PCMTD1: variants seen among roughly 807,000 people sequenced by gnomAD.
The protein encoded by PCMTD1 is protein-L-isoaspartate (D-aspartate) O-methyltransferase domain containing 1.
In PCMTD1, 12 loss-of-function variants were observed where a neutral mutation model predicts 37.6. The observed-to-expected ratio is 0.32, with a 90% CI of 0.20 to 0.52. PCMTD1 has a LOEUF of 0.52. Among genes scored for constraint, PCMTD1 ranks in the 20% least tolerant of loss-of-function variants. The probability of loss-of-function intolerance (pLI) is 0.97; values close to 1 mark genes in which losing one functional copy is unlikely to be tolerated. For missense variants in PCMTD1, 235 were observed against 421.3 expected, an observed-to-expected ratio of 0.56 and a Z score of 3.87; for synonymous variants, 117 against 135.8, an observed-to-expected ratio of 0.86 and a Z score of 0.96.
At chr8:51,838,050 A>G (rs13268938) in intron 3 of PCMTD1, among the ~76,000 whole-genome samples, 104,596 of 152,160 alleles carry the variant, frequency 0.69, 42,406 homozygotes, top group Non-Finnish European at 0.9. Flanking sequence ...GCCTCCCAAA[A>G]TGCTAGAATT....
chr8:51,826,783 G>A, intron 5 of PCMTD1: 1 of 460,570 alleles, frequency 2.2e-6, no homozygotes, highest in Non-Finnish European at 2.9e-6. Flanking sequence ...CAAAATTTAT[G>A]AAGTCTCTTA....
chr8:51,876,864 GAAGA>G (rs1303974101), intron 1 of PCMTD1, among the ~76,000 whole-genome samples: 2 of 152,190 alleles, frequency 1.3e-5, no homozygotes, highest in East Asian at 1.9e-4. Flanking sequence ...AATAAATGTA[GAAGA>G]AATAATGGTG....
chr8:51,896,815 A>C (rs1364707225), intron 1 of PCMTD1, among the ~76,000 whole-genome samples: 1 of 151,552 alleles, frequency 6.6e-6, no homozygotes, highest in Non-Finnish European at 1.5e-5. Context: ...CGTTCATAGG[A>C]GGTAAAACAA....
chr8:51,899,104 C>G (rs1302814732), upstream of PCMTD1: 1 of 1,460,272 alleles, frequency 6.8e-7, no homozygotes, highest in African/African-American at 1.5e-5. Context: ...CCGCCGGGGT[C>G]CGGGCATGCG....
chr8:51,899,099 G>C (rs764736826), upstream of PCMTD1: 121 of 1,469,774 alleles, frequency 8.2e-5, 3 homozygotes, highest in East Asian at 2.0e-3. Context: ...CGGAGCCGCC[G>C]GGGTCCGGGC....
At chr8:51,842,217 T>C (rs564169273) in intron 3 of PCMTD1, among the ~76,000 whole-genome samples, 5 of 152,340 alleles carry the variant, frequency 3.3e-5, no homozygotes, top group Admixed American at 2.0e-4. Context: ...CATTATTTCA[T>C]TTGATGATAT....
chr8:51,833,380 A>G (rs2038023184), intron 4 of PCMTD1, 138 bp downstream of exon 4: 2 of 519,428 alleles, frequency 3.9e-6, no homozygotes, highest in Non-Finnish European at 6.2e-6. Context: ...AGTTTTTTCT[A>G]AACAAATAAG....
chr8:51,879,347 A>G (rs1020103633), intron 1 of PCMTD1, among the ~76,000 whole-genome samples: 2 of 152,248 alleles, frequency 1.3e-5, no homozygotes, highest in Non-Finnish European at 2.9e-5. Context: ...CAGGAAACTT[A>G]TAAGAGCCAA....
intron 1 of PCMTD1, among the ~76,000 whole-genome samples, chr8:51,898,239 A>G (rs2039037356): frequency 6.6e-6 from 1 of 152,202 alleles, no homozygotes; most frequent in Non-Finnish European, 1.5e-5. Context: ...AAAATTATAG[A>G]AGTTCCAAAA....
intron 1 of PCMTD1, among the ~76,000 whole-genome samples, chr8:51,876,645 G>T (rs1406210233): frequency 2.6e-5 from 4 of 152,196 alleles, no homozygotes; most frequent in East Asian, 1.9e-4. Context: ...GACAAAATAT[G>T]GAAGTCCTCA....
At chr8:51,834,770 C>T (rs901858899) in intron 3 of PCMTD1, among the ~76,000 whole-genome samples, 1 of 152,130 alleles carries the variant, frequency 6.6e-6, no homozygotes, top group Non-Finnish European at 1.5e-5. Context: ...AAAACACATA[C>T]ACATTATAAA....
intron 1 of PCMTD1, among the ~76,000 whole-genome samples, chr8:51,892,629 G>A (rs1285194440): frequency 1.3e-5 from 2 of 152,196 alleles, no homozygotes; most frequent in Non-Finnish European, 2.9e-5. Flanking sequence ...CTCATTAGTA[G>A]GGAATATAGT....
At chr8:51,836,502 T>C (rs935897816) in intron 3 of PCMTD1, among the ~76,000 whole-genome samples, 1 of 152,090 alleles carries the variant, frequency 6.6e-6, no homozygotes, top group African/African-American at 2.4e-5. Flanking sequence ...TCCTGCTGTC[T>C]TTGAATATTT....
At chr8:51,870,211 A>AC (rs1323548631) in intron 1 of PCMTD1, 2 of 152,168 alleles carry the variant, frequency 1.3e-5, no homozygotes, top group Non-Finnish European at 2.9e-5. Flanking sequence ...AAAACTGAGG[A>AC]CTAAGCTCAC....
intron 1 of PCMTD1, among the ~76,000 whole-genome samples, chr8:51,883,055 T>C (rs927744349): frequency 4.0e-5 from 6 of 151,196 alleles, no homozygotes; most frequent in African/African-American, 1.2e-4. Flanking sequence ...GAGAATGGCG[T>C]GAACCCAGGA....
chr8:51,859,470 T>C (rs1010377104), intron 2 of PCMTD1, among the ~76,000 whole-genome samples: 1 of 152,194 alleles, frequency 6.6e-6, no homozygotes, highest in African/African-American at 2.4e-5. Flanking sequence ...CCTATCACTT[T>C]TGAACAGTTC....
chr8:51,892,077 C>T (rs2038944201), intron 1 of PCMTD1, among the ~76,000 whole-genome samples: 1 of 152,276 alleles, frequency 6.6e-6, no homozygotes, highest in South Asian at 2.1e-4. Context: ...TGGGGGCCTG[C>T]TTGTTTAACT....
At chr8:51,869,343 G>A (rs1389754221) in intron 1 of PCMTD1, among the ~76,000 whole-genome samples, 1 of 152,076 alleles carries the variant, frequency 6.6e-6, no homozygotes, top group Admixed American at 6.6e-5. Context: ...AGAGACCAAG[G>A]TGTAGCCACG....
chr8:51,840,368 T>C (rs1032258084), intron 3 of PCMTD1, among the ~76,000 whole-genome samples: 2 of 152,166 alleles, frequency 1.3e-5, no homozygotes, highest in African/African-American at 2.4e-5. Context: ...ATATAACCGA[T>C]AGTCCTGACA....
Sources: allele counts gnomAD v4.1 joint callset (sites outside exome capture counted in the v4.1 genomes callset), GRCh38; gene constraint gnomAD v4.1.1; transcripts MANE v1.5; gene names NCBI Gene and HGNC (gene_info 2026-07-23, HGNC 2026-07-21).